Variants in PUDP observed in about 807,000 individuals in gnomAD.
PUDP encodes pseudouridine-5'-phosphatase.
A neutral mutation model predicts 9.4 loss-of-function variants in PUDP; 8 were observed. The observed-to-expected ratio is 0.85, with a 90% CI of 0.50 to 1.53. The LOEUF (loss-of-function observed/expected upper bound fraction) is 1.53, where lower values mean the gene tolerates loss of function less well. PUDP is among the 40% of genes most tolerant of loss of function. PUDP has a pLI of 0.00. For missense variants in PUDP, 188 were observed against 189.7 expected, an observed-to-expected ratio of 0.99 and a Z score of 0.05; for synonymous variants, 99 against 80.7, an observed-to-expected ratio of 1.23 and a Z score of -1.22.
chrX:6,725,963 C>T (rs1374642702), upstream of PUDP, among the ~76,000 whole-genome samples: 1 of 111,861 alleles, frequency 8.9e-6, no homozygotes, highest in Non-Finnish European at 1.9e-5. Flanking sequence ...ACACCTGCAC[C>T]TGTATGAAGG....
chrX:7,077,361 C>G lies in PUDP; in HGVS notation c.369G>C (p.Lys123Asn). 2 of 1,210,948 alleles carry G rather than the reference C, an allele frequency of 1.7e-6. No homozygotes were observed. The highest frequency in any genetic ancestry group is 2.2e-6 in the Non-Finnish European group (2 of 895,093). ...TGAAGAACTCCTTGTGGCGGCTTGT[C>G]TTCATATCGAACGACGCGGACCCCG... ...TSSGSASFDM[K>N]TSRHKEFFSL... Residue 123 changes from lysine to asparagine, a missense_variant, in exon 3 of 4, where the codon AAG becomes AAC. Coordinates refer to ENST00000381077, the MANE Select transcript of PUDP (RefSeq NM_012080.5).
chrX:7,019,205 C>T (rs1387081980), intron 1 of PUDP, among the ~76,000 whole-genome samples: 1 of 111,521 alleles, frequency 9.0e-6, no homozygotes, highest in Non-Finnish European at 1.9e-5. Flanking sequence ...GCACTGTGGA[C>T]TTACCCTGAA....
chrX:6,862,483 C>CT (rs1200476474), intron 3 of PUDP, among the ~76,000 whole-genome samples: 2 of 112,068 alleles, frequency 1.8e-5, no homozygotes, highest in East Asian at 2.8e-4. Context: ...TTTCCAACAA[C>CT]TTTTTTTTCA....
intron 3 of PUDP, among the ~76,000 whole-genome samples, chrX:6,755,900 A>T (rs1302252098): frequency 9.0e-6 from 1 of 111,171 alleles, no homozygotes; most frequent in African/African-American, 3.3e-5. Context: ...ATGAGTTACG[A>T]CTAAAGAGAG....
chrX:7,100,524 C>T (rs1224228943), intron 2 of PUDP, among the ~76,000 whole-genome samples: 16 of 111,699 alleles, frequency 1.4e-4, no homozygotes, highest in Admixed American at 9.5e-4. Flanking sequence ...GGAAAAGAAA[C>T]AAAGTCAAGG....
At chrX:6,892,393 T>C (rs1286007784) in intron 3 of PUDP, among the ~76,000 whole-genome samples, 1 of 111,081 alleles carries the variant, frequency 9.0e-6, no homozygotes, top group Non-Finnish European at 1.9e-5. Flanking sequence ...GGACTCACAG[T>C]TCCACGTGGC....
intron 3 of PUDP, among the ~76,000 whole-genome samples, chrX:7,067,129 T>A (rs1224186760): frequency 4.5e-5 from 5 of 112,069 alleles, no homozygotes; most frequent in African/African-American, 1.6e-4. Flanking sequence ...AGAACTTCAT[T>A]CTGTTCTGAG....
chrX:7,076,085 C>T (rs1233689951), intron 3 of PUDP, among the ~76,000 whole-genome samples: 2 of 111,580 alleles, frequency 1.8e-5, no homozygotes, highest in Non-Finnish European at 3.8e-5. Context: ...GGCACAGGTT[C>T]CGGCTGCCTC....
At chrX:6,860,313 A>AT (rs1421010079) in intron 3 of PUDP, among the ~76,000 whole-genome samples, 3 of 108,965 alleles carry the variant, frequency 2.8e-5, no homozygotes, top group Non-Finnish European at 5.7e-5. Context: ...TTTTATTTTA[A>AT]TTTTTTTTAA....
intron 2 of PUDP, among the ~76,000 whole-genome samples, chrX:7,099,502 C>T (rs1195259036): frequency 8.9e-6 from 1 of 112,460 alleles, no homozygotes; most frequent in Non-Finnish European, 1.9e-5. Flanking sequence ...TAAGAAATGC[C>T]TACAGAACTA....
intron 3 of PUDP, among the ~76,000 whole-genome samples, chrX:6,815,092 C>T (rs1926205879): frequency 9.3e-6 from 1 of 107,777 alleles, no homozygotes; most frequent in African/African-American, 3.4e-5. Context: ...ACAGACATTT[C>T]TTCTCTCATT....
At chrX:6,980,046 CTTCTTTTCTT>C (rs979551359) in intron 1 of PUDP, among the ~76,000 whole-genome samples, 5 of 109,762 alleles carry the variant, frequency 4.6e-5, no homozygotes, top group South Asian at 3.9e-4. Flanking sequence ...GGTAGTTTTT[CTTCTTTTCTT>C]TTCTTTTCTT....
intron 1 of PUDP, among the ~76,000 whole-genome samples, chrX:7,120,932 C>G (rs1932325255): frequency 8.9e-6 from 1 of 111,829 alleles, no homozygotes; most frequent in East Asian, 2.8e-4. Context: ...TCTAGGAAAT[C>G]TTTAATTTCA....
intron 1 of PUDP, among the ~76,000 whole-genome samples, chrX:7,034,586 C>T (rs1410492699): frequency 3.6e-5 from 4 of 111,951 alleles, no homozygotes; most frequent in Non-Finnish European, 5.6e-5. Context: ...AAAAACAAAT[C>T]TGTTCATCCA....
At chrX:6,737,355 T>C (rs1924884166) in intron 3 of PUDP, among the ~76,000 whole-genome samples, 1 of 111,718 alleles carries the variant, frequency 9.0e-6, no homozygotes, top group African/African-American at 3.3e-5. Context: ...ATGAAGAACA[T>C]TAGAGGGGAG....
At chrX:6,789,135 C>T (rs1447357024) in intron 3 of PUDP, among the ~76,000 whole-genome samples, 4 of 110,409 alleles carry the variant, frequency 3.6e-5, no homozygotes, top group African/African-American at 1.3e-4. Flanking sequence ...ACTAAAAATA[C>T]AAAAATTAGC....
intron 1 of PUDP, among the ~76,000 whole-genome samples, chrX:6,990,455 C>T (rs1414061818): frequency 8.9e-6 from 1 of 112,075 alleles, no homozygotes; most frequent in South Asian, 3.7e-4. Flanking sequence ...TTATTTGAAC[C>T]AACTTCCCCA....
At chrX:7,088,267 C>T (rs752970373) in intron 2 of PUDP, among the ~76,000 whole-genome samples, 1 of 110,798 alleles carries the variant, frequency 9.0e-6, no homozygotes, top group Non-Finnish European at 1.9e-5. Context: ...TAAGTAGCAA[C>T]AGGATTTTAC....
chrX:7,148,065 C>G lies in PUDP; in HGVS notation c.49G>C (p.Gly17Arg). 1 of 1,138,637 alleles carries G rather than the reference C, an allele frequency of 8.8e-7. No individual in the cohort carries two copies. Among genetic ancestry groups the G allele is most frequent in the Middle Eastern group, 2.4e-4 (1 of 4,175 alleles). The allele number at this position is 1,138,637 out of a possible 1,213,427, so 93.8% of individuals were successfully genotyped here. The part of the protein sequence containing the change: ...PVTHLIFDMD[G>R]LLLDTERLYS... The stretch of plus-strand genomic sequence containing the variant: ...GCACACTACCCACCCAGAAGAAGTC[C>G]GTCCATGTCAAAGATGAGGTGGGTG... Residue 17 changes from glycine to arginine, a missense_variant, in exon 1 of 4, where the codon GGA becomes CGA. Physicochemically the swap from Gly to Arg is moderately radical, Grantham distance 125 (BLOSUM62 -2). Transcript: ENST00000381077.
Sources: gnomAD v4.1 joint callset for allele counts (sites outside exome capture counted in the v4.1 genomes callset) on GRCh38, gnomAD v4.1.1 for gene constraint, MANE v1.5 for transcripts, NCBI Gene and HGNC (gene_info 2026-07-23, HGNC 2026-07-21) for gene names.